BTBD9: variants seen among roughly 807,000 people sequenced by gnomAD.
BTBD9 encodes the protein BTB domain containing 9.
A neutral mutation model predicts 64.3 loss-of-function variants in BTBD9; 49 were observed. The observed-to-expected ratio is 0.76, with a 90% CI of 0.61 to 0.97. The LOEUF is 0.97. Ranked by LOEUF, BTBD9 falls within the 50% of genes least tolerant of loss-of-function variation. The pLI, the probability that BTBD9 is intolerant of heterozygous loss-of-function variation, is 0.00. For synonymous variants in BTBD9, 260 were observed against 274.7 expected (o/e 0.95, Z 0.53); for missense variants, 598 against 762.1 (o/e 0.78, Z 2.53).
intron 6 of BTBD9, among the ~76,000 whole-genome samples, chr6:38,493,135 T>A (rs778798680): frequency 4.6e-5 from 7 of 152,224 alleles, no homozygotes; most frequent in Non-Finnish European, 5.9e-5. Context: ...TTATCAACAA[T>A]TACACTGGGT....
intron 6 of BTBD9, among the ~76,000 whole-genome samples, chr6:38,572,687 T>G (rs988935860): frequency 1.3e-5 from 2 of 152,006 alleles, no homozygotes; most frequent in South Asian, 4.1e-4. Flanking sequence ...TAAATGACTT[T>G]AATCAACTGA....
intron 6 of BTBD9, among the ~76,000 whole-genome samples, chr6:38,547,151 C>T (rs1166166665): frequency 6.6e-6 from 1 of 152,150 alleles, no homozygotes; most frequent in African/African-American, 2.4e-5. Flanking sequence ...TTCCCTGAAA[C>T]ATGACAATAT....
rs1776635800 is a variant in BTBD9, at chr6:38,588,313, C to A, written c.814+4263G>T. 3.0e-6 allele frequency: 3 copies of A among 1,007,872 alleles called. No individual in the cohort carries two copies. The African/African-American group carries it at 4.7e-5, about 16-fold the overall frequency. The allele number at this position is 1,007,872 out of a possible 1,614,324, so 62.4% of individuals were successfully genotyped here. Reference sequence around the variant, plus strand: ...GTACCAGGCAAGCAATTATCCTGCACAAATTTATACTACCCAAACTTTTCA... The same window carrying A: ...GTACCAGGCAAGCAATTATCCTGCAAAAATTTATACTACCCAAACTTTTCA... On this transcript the variant is annotated intron_variant, in intron 4 of 10. Coordinates refer to ENST00000481247, the MANE Select transcript of BTBD9 (RefSeq NM_001099272.2).
At chr6:38,602,684 T>G (rs956195439) in intron 1 of BTBD9, among the ~76,000 whole-genome samples, 1 of 151,956 alleles carries the variant, frequency 6.6e-6, no homozygotes, top group Admixed American at 6.6e-5. Context: ...AATTACAAAA[T>G]AAATTGCTTT....
chr6:38,562,470 CTATT>C (rs1314017462), intron 6 of BTBD9, among the ~76,000 whole-genome samples: 1 of 152,228 alleles, frequency 6.6e-6, no homozygotes, highest in African/African-American at 2.4e-5. Flanking sequence ...CTTCAACTCC[CTATT>C]TATTTTTTAA....
intron 6 of BTBD9, among the ~76,000 whole-genome samples, chr6:38,348,134 G>A (rs983013881): frequency 2.0e-5 from 3 of 152,140 alleles, no homozygotes; most frequent in Non-Finnish European, 2.9e-5. Context: ...CGGGGCTCAC[G>A]GTGGAGCATC....
chr6:38,313,012 C>T (rs1006804576), intron 7 of BTBD9, among the ~76,000 whole-genome samples: 1 of 152,128 alleles, frequency 6.6e-6, no homozygotes, highest in Non-Finnish European at 1.5e-5. Context: ...GACATTTTAA[C>T]AATATTGATT....
intron 9 of BTBD9, among the ~76,000 whole-genome samples, chr6:38,241,480 C>A (rs1006028801): frequency 6.6e-6 from 1 of 152,212 alleles, no homozygotes; most frequent in Non-Finnish European, 1.5e-5. Flanking sequence ...TACAAACATT[C>A]TTTTGCTCCA....
chr6:38,480,984 T>G (rs1771112975), intron 6 of BTBD9, among the ~76,000 whole-genome samples: 1 of 152,214 alleles, frequency 6.6e-6, no homozygotes, highest in East Asian at 1.9e-4. Context: ...CTTTTAAAAA[T>G]GCTCTTTAAA....
intron 1 of BTBD9, among the ~76,000 whole-genome samples, chr6:38,605,099 T>A (rs1582706761): frequency 6.6e-6 from 1 of 151,780 alleles, no homozygotes; most frequent in African/African-American, 2.4e-5. Context: ...CAGGCTGGAG[T>A]GCAGTGGTGT....
intron 9 of BTBD9, among the ~76,000 whole-genome samples, chr6:38,203,497 T>C (rs1039916560): frequency 1.1e-4 from 16 of 152,192 alleles, no homozygotes; most frequent in African/African-American, 3.9e-4. Context: ...GGAATCAACC[T>C]AAGTGTCCAT....
intron 6 of BTBD9, among the ~76,000 whole-genome samples, chr6:38,495,056 C>T (rs1288746502): frequency 4.6e-5 from 7 of 152,086 alleles, no homozygotes; most frequent in Non-Finnish European, 7.4e-5. Flanking sequence ...TCTGCCTACC[C>T]AAAGAATAGA....
chr6:38,370,023 C>G (rs943034340), intron 6 of BTBD9, among the ~76,000 whole-genome samples: 3 of 152,338 alleles, frequency 2.0e-5, no homozygotes, highest in African/African-American at 7.2e-5. Context: ...AGTCCCTATT[C>G]TGGTCTCTAA....
chr6:38,214,617 G>A (rs1316750083), intron 9 of BTBD9, among the ~76,000 whole-genome samples: 2 of 152,118 alleles, frequency 1.3e-5, no homozygotes, highest in African/African-American at 2.4e-5. Context: ...AAGGGAGGTC[G>A]CGTGCTTTTT....
intron 9 of BTBD9, among the ~76,000 whole-genome samples, chr6:38,214,056 T>G (rs1232516477): frequency 1.3e-5 from 2 of 151,798 alleles, no homozygotes; most frequent in African/African-American, 4.8e-5. Context: ...TTCAAACATT[T>G]TCTTGATTTA....
intron 6 of BTBD9, among the ~76,000 whole-genome samples, chr6:38,384,209 G>A (rs1166723395): frequency 6.6e-6 from 1 of 152,030 alleles, no homozygotes. Flanking sequence ...TTTCTGCGAA[G>A]TATCTTGTGA....
intron 8 of BTBD9, among the ~76,000 whole-genome samples, chr6:38,284,213 G>A (rs1295689722): frequency 6.6e-6 from 1 of 152,096 alleles, no homozygotes; most frequent in Non-Finnish European, 1.5e-5. Context: ...CGGGCTTAAG[G>A]AAGTTGGAGG....
chr6:38,359,127 A>C (rs1321384607), intron 6 of BTBD9, among the ~76,000 whole-genome samples: 1 of 152,214 alleles, frequency 6.6e-6, no homozygotes, highest in Non-Finnish European at 1.5e-5. Flanking sequence ...CAGGATGGCC[A>C]ACTATCCAGG....
intron 6 of BTBD9, among the ~76,000 whole-genome samples, chr6:38,397,942 A>T (rs1766753435): frequency 6.6e-6 from 1 of 152,222 alleles, no homozygotes; most frequent in Non-Finnish European, 1.5e-5. Flanking sequence ...CCGAAGGAGC[A>T]GGAGTGCGGT....
Sources: allele counts gnomAD v4.1 joint callset (sites outside exome capture counted in the v4.1 genomes callset), GRCh38; gene constraint gnomAD v4.1.1; transcripts MANE v1.5; gene names NCBI Gene and HGNC (gene_info 2026-07-23, HGNC 2026-07-21).